Variants in EMD observed in about 807,000 individuals in gnomAD.
EMD encodes emerin.
In EMD, 2 loss-of-function variants were observed where a neutral mutation model predicts 15.2. The observed-to-expected ratio is 0.13, with a 90% CI of 0.05 to 0.41. EMD has a LOEUF of 0.41. EMD is among the 10% of genes least tolerant of loss of function. EMD has a pLI of 0.99. For missense variants in EMD, 224 were observed against 213.4 expected (o/e 1.05, Z -0.31); for synonymous variants, 122 against 86.2 (o/e 1.42, Z -2.30).
chrX:154,379,593 C>G, intron 1 of EMD, 27 bp downstream of exon 1: 1 of 1,174,837 alleles, frequency 8.5e-7, no homozygotes, highest in Non-Finnish European at 1.1e-6. Context: ...GGGACCCCTT[C>G]CGGGCCCCCT....
rs781959257 is a variant in EMD at position 154,381,264 on chromosome X, A to G, written c.*67A>G. 9 of 96,149 alleles carry G rather than the reference A, an allele frequency of 9.4e-5. No individual in the cohort carries two copies. Among genetic ancestry groups the G allele is most frequent in the East Asian group, 2.8e-4 (1 of 3,629 alleles). The allele number at this position is 96,149 out of a possible 1,213,427, so 7.9% of individuals were successfully genotyped here. ...GGAAGTCCTGGCTGACTGCCTTAGC[A>G]GTGGGGGTGGGGGTGGGGGCAGGGG... On this transcript the variant is annotated 3_prime_UTR_variant, in exon 6 of 6. Coordinates refer to ENST00000369842, the MANE Select transcript of EMD (RefSeq NM_000117.3).
intron 1 of EMD, 32 bp from the exon 2 acceptor site, chrX:154,379,657 GC>G: frequency 8.3e-7 from 1 of 1,203,283 alleles, no homozygotes; most frequent in Non-Finnish European, 1.1e-6. Flanking sequence ...GCCTTCCCCG[GC>G]CCGCGGCCCT....
At chrX:154,379,640 C>T (rs1409816112) in intron 1 of EMD, 50 bp from the exon 2 acceptor site, 1 of 1,199,714 alleles carries the variant, frequency 8.3e-7, no homozygotes, top group African/African-American at 1.7e-5. Flanking sequence ...CGCTGCCCTC[C>T]CCGCGCGCCT....
rs782754073 is a variant in EMD, at chrX:154,379,948, A to T, written c.194A>T (p.Asn65Ile). The change falls in exon 3 of 6, where the codon AAT becomes ATT. Residue 65 changes from asparagine to isoleucine, a missense_variant. Coordinates refer to ENST00000369842, the MANE Select transcript of EMD (RefSeq NM_000117.3). ...AASSYSFSDL[N>I]STRGDADMYD... ...TCTCCTCCTTTCAATCCAGACTTGA[A>T]TTCGACTAGAGGGGATGCAGATATG... 8.3e-7 allele frequency: 1 copy of T among 1,208,959 alleles called. No individual in the cohort carries two copies. Among genetic ancestry groups the T allele is most frequent in the African/African-American group, 1.8e-5 (1 of 57,106 alleles).
chrX:154,380,089 G>A lies in EMD; in HGVS notation c.265+70G>A, dbSNP rs781845891. The A allele has an allele frequency of 4.2e-6, 5 of 1,187,313 alleles. No homozygotes were observed. The East Asian group carries it at 8.9e-5, about 21-fold the overall frequency. On this transcript the variant is annotated intron_variant, in intron 3 of 5. Transcript: ENST00000369842. ...TCGTCAGGGACCCCGCTCACAGGGA[G>A]GACCTGAGACCTCAGTCCCAACCAC... is the stretch of plus-strand genomic sequence containing the variant.
At chrX:154,380,195 A>G in intron 3 of EMD, 39 bp from the exon 4 acceptor site, 2 of 1,209,751 alleles carry the variant, frequency 1.7e-6, no homozygotes, top group Non-Finnish European at 2.2e-6. Context: ...GGCGGGGCAC[A>G]CCGATGCCCC....
rs782637320 is a variant in EMD at position 154,379,673 on chromosome X, G to A, written c.83-17G>A. On this transcript the variant is annotated splice_polypyrimidine_tract_variant and intron_variant, in intron 1 of 5. Coordinates refer to ENST00000369842, the MANE Select transcript of EMD (RefSeq NM_000117.3). ...CCTTCCCCGGCCCGCGGCCCTGACC[G>A]CCCCGTGTCCGGCCAGGATCAACTC... The A allele has an allele frequency of 3.3e-6, 4 of 1,205,586 alleles. No individual in the cohort carries two copies. The highest frequency in any genetic ancestry group is 1.7e-5 in the African/African-American group (1 of 57,427).
rs2067886695 is a variant in EMD at position 154,381,156 on chromosome X, A to T, written c.724A>T (p.Ile242Phe). 1.7e-6 allele frequency: 2 copies of T among 1,209,313 alleles called. No individual in the cohort carries two copies. Among genetic ancestry groups the T allele is most frequent in the Non-Finnish European group, 2.2e-6 (2 of 895,092 alleles). The change falls in exon 6 of 6, where the codon ATT (isoleucine) becomes TTT (phenylalanine). Residue 242 changes from isoleucine to phenylalanine, a missense_variant. Physicochemically the swap from Ile to Phe is conservative, Grantham distance 21 (BLOSUM62 0). Coordinates refer to ENST00000369842, the MANE Select transcript of EMD (RefSeq NM_000117.3). ...FLVFVIVLFF[I>F]YHFMQAEEGN... ...GGTCTTTGTGATCGTCCTCTTCTTC[A>T]TTTACCACTTCATGCAGGCTGAAGA...
rs782555345 is a variant in EMD, at chrX:154,380,482, G to C, written c.399+115G>C. The C allele has an allele frequency of 2.0e-3, 2,140 of 1,080,409 alleles. 1 individual carries two copies. The highest frequency in any genetic ancestry group is 2.6e-3 in the Non-Finnish European group (2,032 of 788,265). The allele number at this position is 1,080,409 out of a possible 1,213,427, so 89.0% of individuals were successfully genotyped here. On this transcript the variant is annotated intron_variant, in intron 4 of 5. Transcript: ENST00000369842. ...ATGGTGGCTCTTGGGCCTCCGGGGA[G>C]ACTCTGTGTGACTAGAGCACCCTGG...
chrX:154,380,520 G>C, intron 4 of EMD, 153 bp downstream of exon 4: 1 of 961,720 alleles, frequency 1.0e-6, no homozygotes, highest in South Asian at 2.1e-5. Flanking sequence ...TGGGATCTAG[G>C]CTCAGACTCT....
intron 4 of EMD, 113 bp downstream of exon 4, chrX:154,380,480 G>T (rs2067880946): frequency 1.8e-6 from 2 of 1,112,426 alleles, no homozygotes; most frequent in African/African-American, 3.6e-5. Context: ...GGCCTCCGGG[G>T]AGACTCTGTG....
In EMD at chrX:154,379,541, C is replaced by T. The variant is rs371661299; in HGVS notation, c.57C>T (p.Tyr19=). ...AGCTGACCACCTTGCTGCGCCGGTACAACATCCCGCACGGGCCTGTAGTAG... is the reference window on the plus strand; with the variant it reads ...AGCTGACCACCTTGCTGCGCCGGTATAACATCCCGCACGGGCCTGTAGTAG... ...DTELTTLLRR[Y]NIPHGPVVGS... is the part of the protein sequence containing the mutation. The change falls in exon 1 of 6, where the codon TAC becomes TAT. Residue 19 remains tyrosine, a synonymous_variant. Transcript: ENST00000369842. 4 of 1,169,490 alleles carry T rather than the reference C, an allele frequency of 3.4e-6. No homozygotes were observed. In the African/African-American group the frequency reaches 7.1e-5, roughly 21 times the overall value.
intron 4 of EMD, 191 bp from the exon 5 acceptor site, chrX:154,380,562 T>C: frequency 1.2e-6 from 1 of 849,175 alleles, no homozygotes; most frequent in Non-Finnish European, 1.7e-6. Context: ...AAGGGGATGC[T>C]GGGGCATGAG....
rs782222974 is a variant in EMD, at chrX:154,379,710, G to A, written c.103G>A (p.Glu35Lys). The A allele has an allele frequency of 8.3e-6, 10 of 1,208,250 alleles. No homozygotes were observed. The Admixed American group carries it at 1.1e-4, about 13-fold the overall frequency. ...GCCAGGATCAACTCGTAGGCTTTAC[G>A]AGAAGAAGATCTTCGAGTACGAGAC... ...PVVGSTRRLY[E>K]KKIFEYETQR... is the part of the protein sequence containing the mutation. The change falls in exon 2 of 6, where the codon GAG becomes AAG. Residue 35 changes from glutamate to lysine, a missense_variant. Coordinates refer to ENST00000369842, the MANE Select transcript of EMD (RefSeq NM_000117.3).
rs1569552105 is a variant in EMD, at chrX:154,381,025, C to T, written c.593C>T (p.Ser198Phe). The T allele has an allele frequency of 5.0e-6, 6 of 1,212,100 alleles. No individual in the cohort carries two copies. The highest frequency in any genetic ancestry group is 1.7e-5 in the African/African-American group (1 of 57,971). The change falls in exon 6 of 6, where the codon TCT becomes TTT. Residue 198 changes from serine to phenylalanine, a missense_variant. Transcript: ENST00000369842. Reference sequence around the variant, plus strand: ...TTTATGTCCTCCTCATCATCTTCCTCTTCATGGCTCACCCGCCGTGCCATC... The same window carrying T: ...TTTATGTCCTCCTCATCATCTTCCTTTTCATGGCTCACCCGCCGTGCCATC... ...TSFMSSSSSS[S>F]SWLTRRAIRP... is the part of the protein sequence containing the mutation.
chrX:154,381,068 T>C lies in EMD; in HGVS notation c.636T>C (p.Ala212=), dbSNP rs367628906. The change falls in exon 6 of 6, where the codon GCT becomes GCC. Residue 212 remains alanine (A), a synonymous_variant. Transcript: ENST00000369842. ...GTGCCATCCGGCCTGAAAACCGTGC[T>C]CCTGGGGCTGGGCTGGGCCAGGATC... ...TRRAIRPENR[A]PGAGLGQDRQ... 8.3e-7 allele frequency: 1 copy of C among 1,210,889 alleles called. No homozygotes were observed. Among genetic ancestry groups the C allele is most frequent in the Non-Finnish European group, 1.1e-6 (1 of 895,379 alleles).
At chrX:154,380,203 C>G (rs1363761278) in intron 3 of EMD, 31 bp from the exon 4 acceptor site, 1 of 1,209,228 alleles carries the variant, frequency 8.3e-7, no homozygotes, top group Non-Finnish European at 1.1e-6. Flanking sequence ...ACACCGATGC[C>G]CCCTCTGCTA....
intron 4 of EMD, 76 bp from the exon 5 acceptor site, chrX:154,380,677 A>G (rs1557182515): frequency 2.0e-4 from 231 of 1,173,380 alleles, no homozygotes; most frequent in East Asian, 1.4e-3. Context: ...CTGGCTGGGG[A>G]AGTTTGGACT....
In EMD at chrX:154,379,772, C is replaced by T; in HGVS notation, c.165C>T (p.Ala55=). 2 of 1,205,789 alleles carry T rather than the reference C, an allele frequency of 1.7e-6. No homozygotes were observed. The highest frequency in any genetic ancestry group is 1.1e-6 in the Non-Finnish European group (1 of 892,818). Residue 55 remains alanine (A), a synonymous_variant, in exon 2 of 6, where the codon GCC becomes GCT. Coordinates refer to ENST00000369842, the MANE Select transcript of EMD (RefSeq NM_000117.3). ...GGCTCTCGCCCCCCAGCTCGTCCGC[C>T]GCCTCCTCTTATAGCTTCTCTGGTG... ...RRRLSPPSSS[A]ASSYSFSDLN...
Sources: allele counts gnomAD v4.1 joint callset, GRCh38; gene constraint gnomAD v4.1.1; transcripts MANE v1.5; gene names NCBI Gene and HGNC (gene_info 2026-07-23, HGNC 2026-07-21).